The following NECAB3 variants were observed in gnomAD, a reference collection of about 807,000 sequenced individuals.
The protein encoded by NECAB3 is N-terminal EF-hand calcium binding protein 3.
NECAB3 carries 38 observed loss-of-function variants against 57.2 expected under a neutral mutation model. That is an observed-to-expected ratio of 0.66 (90% CI 0.51 to 0.87). NECAB3 has a LOEUF of 0.87. NECAB3 is among the 40% of genes least tolerant of loss of function. The pLI, the probability that NECAB3 is intolerant of heterozygous loss-of-function variation, is 0.00. For synonymous variants in NECAB3, 223 were observed against 222.6 expected (o/e 1.00, Z -0.02); for missense variants, 474 against 527.5 (o/e 0.90, Z 0.99).
chr20:33,658,718 T>A lies in NECAB3; in HGVS notation c.992+4A>T, dbSNP rs1418402966. ...GCCATCCCACCTGCCAGCTGGGGAC[T>A]CACTGCAGACAATGGCTCTGGGCCC... On this transcript the variant is annotated splice_donor_region_variant and intron_variant, in intron 9 of 11. Transcript: ENST00000246190. The A allele has an allele frequency of 6.2e-7, 1 of 1,613,076 alleles. No homozygotes were observed. Among genetic ancestry groups the A allele is most frequent in the Non-Finnish European group, 8.5e-7 (1 of 1,179,564 alleles).
intron 8 of NECAB3, 35 bp downstream of exon 8, chr20:33,659,462 G>A (rs569750533): frequency 7.0e-6 from 10 of 1,435,368 alleles, no homozygotes; most frequent in African/African-American, 2.9e-5. Flanking sequence ...CCCCAGACAC[G>A]GCCATCCAGC....
intron 5 of NECAB3, chr20:33,667,676 T>C: frequency 6.2e-7 from 1 of 1,611,842 alleles, no homozygotes; most frequent in Non-Finnish European, 8.5e-7. Context: ...CGGGATCTGC[T>C]GGTGGCGGCG....
intron 5 of NECAB3, chr20:33,668,175 G>C: frequency 6.2e-7 from 1 of 1,611,876 alleles, no homozygotes; most frequent in Non-Finnish European, 8.5e-7. Context: ...AGCGCCGCTG[G>C]ATAACTCGGG....
chr20:33,670,288 G>A (rs976603541), intron 3 of NECAB3: 1 of 190,646 alleles, frequency 5.2e-6, no homozygotes, highest in African/African-American at 2.3e-5. Flanking sequence ...AGCAGGCACG[G>A]GAAGGAGCGT....
intron 5 of NECAB3, among the ~76,000 whole-genome samples, chr20:33,668,708 T>C (rs2017757341): frequency 6.6e-6 from 1 of 152,182 alleles, no homozygotes; most frequent in African/African-American, 2.4e-5. Flanking sequence ...AGTTTCCCCT[T>C]CTGTAAAAAG....
chr20:33,668,141 T>A (rs553458205), intron 5 of NECAB3: 91 of 1,612,110 alleles, frequency 5.6e-5, no homozygotes, highest in Non-Finnish European at 6.9e-5. Flanking sequence ...GGCGGCTCCA[T>A]GGTGGCCTCC....
At chr20:33,672,544 A>G in intron 1 of NECAB3, 122 bp from the exon 2 acceptor site, 1 of 1,189,002 alleles carries the variant, frequency 8.4e-7, no homozygotes, top group Non-Finnish European at 1.2e-6. Context: ...CCTCCCGCCC[A>G]GCCTGGTCCC....
chr20:33,668,823 C>A (rs775801532), intron 5 of NECAB3, among the ~76,000 whole-genome samples: 1 of 152,236 alleles, frequency 6.6e-6, no homozygotes, highest in Non-Finnish European at 1.5e-5. Flanking sequence ...AAGGGAAGGG[C>A]AGCTTATTTT....
intron 1 of NECAB3, among the ~76,000 whole-genome samples, chr20:33,673,791 C>T (rs1468746860): frequency 6.6e-6 from 1 of 152,138 alleles, no homozygotes; most frequent in East Asian, 1.9e-4. Context: ...TGACTCTGAG[C>T]AGCCCTTACC....
rs545197118 is a variant in NECAB3, at chr20:33,660,035, C to A, written c.525-32G>T. 2.0e-4 allele frequency: 307 copies of A among 1,563,586 alleles called. No homozygotes were observed. The highest frequency in any genetic ancestry group is 2.5e-4 in the Non-Finnish European group (285 of 1,154,946). ...GAAGTGAGGCTCACAGGGCCGAGGA[C>A]TGGGGCCCCAGGACGGGATAAGCCT... On this transcript the variant is annotated intron_variant, in intron 6 of 11. Transcript: ENST00000246190. This position sits in a 1 kb window ranked among gnomAD's most constrained non-coding sequence, Gnocchi z 4.1.
chr20:33,666,906 C>T (rs1360404248), intron 5 of NECAB3: 1 of 152,878 alleles, frequency 6.5e-6, no homozygotes, highest in Non-Finnish European at 1.5e-5. Flanking sequence ...AGGGCGGAGC[C>T]AAGAGCTGAA....
At chr20:33,658,069 C>T (rs1185999713) in intron 10 of NECAB3, 36 bp from the exon 11 acceptor site, 14 of 1,522,926 alleles carry the variant, frequency 9.2e-6, no homozygotes, top group Non-Finnish European at 1.2e-5. Context: ...CTCGCTCTCC[C>T]CACTCCCGCC....
In NECAB3 at chr20:33,674,238, T is replaced by C; in HGVS notation, c.115A>G (p.Thr39Ala). ...LAPDPGPAGH[T>A]LFQDVFRRAD... ...CGCCCACTCACGTCCTGGAAGAGCG[T>C]GTGTCCGGCGGGCCCCGGGTCGGGC... Residue 39 changes from threonine to alanine, a missense_variant, in exon 1 of 12, where the codon ACG (threonine) becomes GCG (alanine). Transcript: ENST00000246190. 8.0e-7 allele frequency: 1 copy of C among 1,244,860 alleles called. No homozygotes were observed. Among genetic ancestry groups the C allele is most frequent in the Non-Finnish European group, 1.0e-6 (1 of 994,708 alleles). The allele number at this position is 1,244,860 out of a possible 1,614,324, so 77.1% of individuals were successfully genotyped here. A position where few individuals can be genotyped will look rare whatever the true frequency, so the allele number is the denominator to read the frequency against.
At position 33,659,730 on chromosome 20, in the gene NECAB3, G is replaced by T; in HGVS notation, c.646C>A (p.Arg216Ser). The T allele has an allele frequency of 6.3e-7, 1 of 1,594,152 alleles. No individual in the cohort carries two copies. The highest frequency in any genetic ancestry group is 1.3e-5 in the African/African-American group (1 of 74,614). The change falls in exon 8 of 12, where the codon CGC becomes AGC. Residue 216 changes from arginine (R) to serine (S), a missense_variant and splice_region_variant. Arg to Ser is a moderately radical substitution (Grantham distance 110). Transcript: ENST00000246190. ...CACTGCATCTCGGCCTCTGAGCTGC[G>T]CCCTGTGTGTGGGGCCCGTGCAGGG... ...TWSPGSSDTG[R>S]SSEAEMQWRL...
At position 33,667,696 on chromosome 20, in the gene NECAB3, C is replaced by G; in HGVS notation, c.387+1679G>C. 1.9e-6 allele frequency: 3 copies of G among 1,612,190 alleles called. No homozygotes were observed. In the South Asian group the frequency reaches 3.3e-5, roughly 18 times the overall value. On this transcript the variant is annotated intron_variant, in intron 5 of 11. Transcript: ENST00000246190. ...TCTGCTGGTGGCGGCGAACCCTGAC[C>G]TCTTGCAGCAGGCCCTGCCCCGCAA...
At position 33,658,518 on chromosome 20, in the gene NECAB3, G is replaced by A. The variant is rs1390741615; in HGVS notation, c.1029C>T (p.Phe343=). 1.9e-6 allele frequency: 3 copies of A among 1,613,960 alleles called. No homozygotes were observed. The highest frequency in any genetic ancestry group is 2.7e-5 in the African/African-American group (2 of 74,894). ...CATCCTGCCAGAACTCATACAGGGT[G>A]AAGGAGGCACCGTCCAGCATCTTCT... ...SAQKMLDGAS[F]TLYEFWQDEA... Residue 343 remains phenylalanine (F), a synonymous_variant, in exon 10 of 12, where the codon TTC becomes TTT. Coordinates refer to ENST00000246190, the MANE Select transcript of NECAB3 (RefSeq NM_031232.4).
At chr20:33,668,033 TGGACAA>T (rs753060649) in intron 5 of NECAB3, 15 of 1,547,304 alleles carry the variant, frequency 9.7e-6, no homozygotes. Context: ...GCCGAGCGCC[TGGACAA>T]GGAGCTGGAG....
chr20:33,658,889 T>G, intron 8 of NECAB3, 55 bp from the exon 9 acceptor site: 1 of 1,305,500 alleles, frequency 7.7e-7, no homozygotes, highest in Non-Finnish European at 1.1e-6. Context: ...GGGGAGGGAC[T>G]GGCTGTGGCC....
chr20:33,668,128 AC>A, intron 5 of NECAB3: 1 of 1,610,840 alleles, frequency 6.2e-7, no homozygotes, highest in African/African-American at 1.3e-5. Context: ...GGCTGTGTGG[AC>A]CGGCGGCTCC....
Sources: allele counts gnomAD v4.1 joint callset (sites outside exome capture counted in the v4.1 genomes callset), GRCh38; gene constraint gnomAD v4.1.1; non-coding constraint Gnocchi (gnomAD v3.1); transcripts MANE v1.5; gene names NCBI Gene and HGNC (gene_info 2026-07-23, HGNC 2026-07-21).